The following GRM8 variants were observed in gnomAD, a reference collection of about 807,000 sequenced individuals.
GRM8 encodes metabotropic glutamate receptor 8.
Under a neutral mutation model 87.2 loss-of-function variants are expected in GRM8, and 47 were observed. The observed-to-expected ratio is 0.54, with a 90% CI of 0.43 to 0.69. The LOEUF (loss-of-function observed/expected upper bound fraction) is 0.69, where lower values mean the gene tolerates loss of function less well. Among genes scored for constraint, GRM8 ranks in the 30% least tolerant of loss-of-function variants. The pLI is 0.00. For missense variants in GRM8, 1,019 were observed against 1,139.2 expected (o/e 0.89, Z 1.52); for synonymous variants, 396 against 404.5 (o/e 0.98, Z 0.25).
At chr7:126,914,608 G>A (rs537742447) in intron 3 of GRM8, among the ~76,000 whole-genome samples, 1 of 152,278 alleles carries the variant, frequency 6.6e-6, no homozygotes, top group South Asian at 2.1e-4. Context: ...ATGAAATCTT[G>A]CCCTTTGCAG....
intron 2 of GRM8, 47 bp from the exon 3 acceptor site, chr7:127,106,759 G>T: frequency 7.5e-7 from 1 of 1,327,476 alleles, no homozygotes; most frequent in Non-Finnish European, 1.1e-6. Context: ...GAATCTTGAA[G>T]AATGATGGAT....
intron 7 of GRM8, among the ~76,000 whole-genome samples, chr7:126,694,362 C>CTA (rs1809155128): frequency 6.6e-6 from 1 of 152,084 alleles, no homozygotes; most frequent in African/African-American, 2.4e-5. Flanking sequence ...AACATTGAAC[C>CTA]TATCATGTTT....
intron 2 of GRM8, among the ~76,000 whole-genome samples, chr7:127,150,187 C>A (rs1192107066): frequency 6.6e-6 from 1 of 151,948 alleles, no homozygotes; most frequent in Non-Finnish European, 1.5e-5. Context: ...ATTTCCCTTG[C>A]CTCAATGAAA....
At chr7:126,992,553 C>T (rs1812762481) in intron 3 of GRM8, among the ~76,000 whole-genome samples, 1 of 151,938 alleles carries the variant, frequency 6.6e-6, no homozygotes, top group African/African-American at 2.4e-5. Flanking sequence ...AACAGGTGGG[C>T]ACAGGCAGTT....
intron 2 of GRM8, among the ~76,000 whole-genome samples, chr7:127,143,548 C>T (rs998265981): frequency 5.3e-5 from 8 of 152,024 alleles, no homozygotes; most frequent in South Asian, 2.1e-4. Flanking sequence ...ATCTTCATGA[C>T]GACCCTGTGA....
At chr7:126,781,227 G>A (rs1820039465) in intron 6 of GRM8, among the ~76,000 whole-genome samples, 1 of 152,134 alleles carries the variant, frequency 6.6e-6, no homozygotes, top group Admixed American at 6.5e-5. Context: ...CAGGTCAGGG[G>A]AATCCCACTA....
At position 126,828,829 on chromosome 7, in the gene GRM8, G is replaced by C. The variant is rs571326017; in HGVS notation, c.1157-58764C>G. Among the ~76,000 whole-genome samples the C allele has an allele frequency of 2.3e-4, 35 of 152,150 alleles. No individual in the cohort carries two copies. In the South Asian group the frequency reaches 6.7e-3, roughly 29 times the overall value. ...TTTTGGGCTTTTAGTGCTTTCTCTT[G>C]TGGGCATTTAGTGCTATAAATTTCC... is the stretch of plus-strand genomic sequence containing the variant. On this transcript the variant is annotated intron_variant, in intron 6 of 10. Coordinates refer to ENST00000339582, the MANE Select transcript of GRM8 (RefSeq NM_000845.3).
intron 3 of GRM8, among the ~76,000 whole-genome samples, chr7:127,013,039 C>T (rs1815054475): frequency 3.3e-5 from 5 of 152,118 alleles, no homozygotes; most frequent in Admixed American, 3.3e-4. Flanking sequence ...AGCTCTGGGC[C>T]TCTTATTTCT....
chr7:126,468,135 T>A (rs918319154), intron 9 of GRM8, among the ~76,000 whole-genome samples: 2 of 152,094 alleles, frequency 1.3e-5, no homozygotes, highest in Non-Finnish European at 2.9e-5. Flanking sequence ...ACACTTTGAA[T>A]ATCTGGTGTT....
chr7:126,643,237 G>A, intron 7 of GRM8, among the ~76,000 whole-genome samples: 1 of 139,214 alleles, frequency 7.2e-6, no homozygotes, highest in Non-Finnish European at 1.5e-5. Flanking sequence ...GTTTCAGTGA[G>A]CTGAGATTGT....
chr7:126,539,213 G>C (rs188678195), intron 8 of GRM8, among the ~76,000 whole-genome samples: 417 of 151,314 alleles, frequency 2.8e-3, no homozygotes, highest in Non-Finnish European at 4.8e-3. Flanking sequence ...AAAATACTTA[G>C]TGATAAACTT....
chr7:126,601,323 G>C (rs1487669123), intron 8 of GRM8, among the ~76,000 whole-genome samples: 16 of 152,152 alleles, frequency 1.1e-4, no homozygotes, highest in African/African-American at 2.7e-4. Flanking sequence ...TCTTAATCCA[G>C]TCTATCGTTG....
chr7:126,484,608 A>G (rs747228138), intron 9 of GRM8, among the ~76,000 whole-genome samples: 3 of 151,728 alleles, frequency 2.0e-5, no homozygotes, highest in Non-Finnish European at 2.9e-5. Flanking sequence ...TTTACTTACT[A>G]CTACTTTACT....
rs532174277 is a variant in GRM8, at chr7:126,691,905, C to T, written c.1357+77960G>A. Among the ~76,000 whole-genome samples, 7 of 152,292 alleles carry T rather than the reference C, an allele frequency of 4.6e-5. No homozygotes were observed. The East Asian group carries it at 7.7e-4, about 17-fold the overall frequency. On this transcript the variant is annotated intron_variant, in intron 7 of 10. Coordinates refer to ENST00000339582, the MANE Select transcript of GRM8 (RefSeq NM_000845.3). ...AATCCTGGTAGACTACCTAGATCTT[C>T]GGGCCCTTTTAAATGCAAATGACAC...
At chr7:126,683,221 T>G (rs1041101814) in intron 7 of GRM8, among the ~76,000 whole-genome samples, 1 of 152,184 alleles carries the variant, frequency 6.6e-6, no homozygotes, top group Non-Finnish European at 1.5e-5. Context: ...CTCCCCACCC[T>G]AACATAATTG....
chr7:126,830,636 C>A (rs1028671340), intron 6 of GRM8, among the ~76,000 whole-genome samples: 1 of 152,108 alleles, frequency 6.6e-6, no homozygotes, highest in African/African-American at 2.4e-5. Flanking sequence ...AACTTCTTTG[C>A]CTTTGGTTTG....
chr7:127,203,295 G>C (rs1322960845), intron 2 of GRM8, among the ~76,000 whole-genome samples: 1 of 152,176 alleles, frequency 6.6e-6, no homozygotes, highest in Non-Finnish European at 1.5e-5. Context: ...GCAGGCATAG[G>C]GCTGAAAAAC....
chr7:126,517,401 T>A (rs1265746166), intron 9 of GRM8, among the ~76,000 whole-genome samples: 2 of 152,086 alleles, frequency 1.3e-5, no homozygotes, highest in Non-Finnish European at 2.9e-5. Context: ...GCATTGTTTT[T>A]ATCCCCATTT....
intron 6 of GRM8, among the ~76,000 whole-genome samples, chr7:126,785,714 G>A (rs1820553457): frequency 6.6e-6 from 1 of 152,024 alleles, no homozygotes; most frequent in Non-Finnish European, 1.5e-5. Context: ...CTGGAACCAG[G>A]AGGAATTAGA....
Sources: gnomAD v4.1 joint callset for allele counts (sites outside exome capture counted in the v4.1 genomes callset) on GRCh38, gnomAD v4.1.1 for gene constraint, MANE v1.5 for transcripts, NCBI Gene and HGNC (gene_info 2026-07-23, HGNC 2026-07-21) for gene names.